Variants in NELL2 observed in about 807,000 individuals in gnomAD.
NELL2 encodes the protein protein kinase C-binding protein NELL2.
A neutral mutation model predicts 109.6 loss-of-function variants in NELL2; 41 were observed. The ratio of observed to expected loss-of-function variants is 0.37; its 90% CI spans 0.29 to 0.49. The LOEUF (loss-of-function observed/expected upper bound fraction) is 0.49. NELL2 is among the 20% of genes least tolerant of loss of function. NELL2 has a pLI of 0.98. For synonymous variants in NELL2, 355 were observed against 344.7 expected (o/e 1.03, Z -0.33); for missense variants, 900 against 1,008.3 (o/e 0.89, Z 1.45).
intron 1 of NELL2, among the ~76,000 whole-genome samples, chr12:44,913,352 A>G (rs2136894785): frequency 6.6e-6 from 1 of 152,320 alleles, no homozygotes; most frequent in Non-Finnish European, 1.5e-5. Context: ...ATGTAACAGC[A>G]GGATGCAGAA....
At chr12:44,716,947 T>G (rs1354382891) in intron 9 of NELL2, among the ~76,000 whole-genome samples, 1 of 152,096 alleles carries the variant, frequency 6.6e-6, no homozygotes, top group Non-Finnish European at 1.5e-5. Context: ...ATAGGCAACT[T>G]GTGGGACAAT....
At chr12:44,780,817 TC>T (rs908323720) in intron 3 of NELL2, among the ~76,000 whole-genome samples, 3 of 151,864 alleles carry the variant, frequency 2.0e-5, no homozygotes. Context: ...AAAAGAAGCT[TC>T]CCCCTCAACT....
At chr12:44,900,531 T>C (rs1643900735) in intron 1 of NELL2, among the ~76,000 whole-genome samples, 1 of 152,026 alleles carries the variant, frequency 6.6e-6, no homozygotes, top group East Asian at 1.9e-4. Flanking sequence ...ATAACAAAAT[T>C]AAGGCAGAAA....
intron 2 of NELL2, among the ~76,000 whole-genome samples, chr12:44,844,846 G>A (rs1365193288): frequency 6.6e-6 from 1 of 151,992 alleles, no homozygotes; most frequent in African/African-American, 2.4e-5. Flanking sequence ...AGTTAGTGAA[G>A]GATAATACCC....
chr12:44,620,071 G>C lies in NELL2; in HGVS notation c.1445-9101C>G, dbSNP rs559526586. Among the ~76,000 whole-genome samples, 230 of 151,682 alleles carry C rather than the reference G, an allele frequency of 1.5e-3. 1 individual carries two copies. Among genetic ancestry groups the C allele is most frequent in the Non-Finnish European group, 2.5e-3 (171 of 67,944 alleles). ...GTGGTGATGAGATTAATAGATATAA[G>C]AGAGCCTCTTACCTTTAGGTATTTT... is the stretch of plus-strand genomic sequence containing the variant. On this transcript the variant is annotated intron_variant, in intron 13 of 19. Transcript: ENST00000429094.
At chr12:44,794,716 A>G (rs1471393778) in intron 3 of NELL2, among the ~76,000 whole-genome samples, 3 of 152,186 alleles carry the variant, frequency 2.0e-5, no homozygotes, top group African/African-American at 7.2e-5. Flanking sequence ...GAAAATACAT[A>G]ATTGGAATAA....
chr12:44,543,464 T>C (rs1246330948), intron 15 of NELL2, among the ~76,000 whole-genome samples: 2 of 152,208 alleles, frequency 1.3e-5, no homozygotes, highest in Admixed American at 1.3e-4. Flanking sequence ...CTTAAAAATA[T>C]ATGTCAGATT....
intron 15 of NELL2, among the ~76,000 whole-genome samples, chr12:44,551,274 C>A (rs928402278): frequency 6.6e-6 from 1 of 152,172 alleles, no homozygotes; most frequent in Non-Finnish European, 1.5e-5. Context: ...CATCCATGCA[C>A]AGAAAATCCA....
At chr12:44,677,062 C>A in intron 12 of NELL2, among the ~76,000 whole-genome samples, 1 of 152,030 alleles carries the variant, frequency 6.6e-6, no homozygotes, top group Non-Finnish European at 1.5e-5. Context: ...GTCTTACAAA[C>A]AGGGAGAAAT....
intron 13 of NELL2, among the ~76,000 whole-genome samples, chr12:44,640,164 TA>T (rs1205919700): frequency 3.3e-5 from 5 of 152,324 alleles, no homozygotes; most frequent in Admixed American, 2.6e-4. Context: ...ATAAATGGGT[TA>T]AAAATGTGTT....
At chr12:44,575,445 G>T (rs1944038551) in intron 15 of NELL2, among the ~76,000 whole-genome samples, 2 of 152,236 alleles carry the variant, frequency 1.3e-5, no homozygotes, top group African/African-American at 4.8e-5. Flanking sequence ...TTGCTGCAAA[G>T]CACTCACATC....
intron 15 of NELL2, among the ~76,000 whole-genome samples, chr12:44,602,163 A>G (rs900195622): frequency 6.6e-5 from 10 of 152,212 alleles, no homozygotes; most frequent in African/African-American, 1.9e-4. Context: ...TAATTCACAC[A>G]AAGTTCATTA....
intron 13 of NELL2, among the ~76,000 whole-genome samples, chr12:44,658,876 C>CAAAAAAAAAAAAAA (rs758903947): frequency 1.0e-4 from 10 of 97,614 alleles, no homozygotes; most frequent in East Asian, 8.7e-4. Context: ...GACTCTGTCT[C>CAAAAAAAAAAAAAA]CAAAAAAAAA....
chr12:44,672,228 C>T (rs1002871185), intron 12 of NELL2, among the ~76,000 whole-genome samples: 3 of 152,198 alleles, frequency 2.0e-5, no homozygotes, highest in African/African-American at 7.2e-5. Context: ...GTACCAGTCC[C>T]TGATTTGCTA....
At chr12:44,788,629 G>C (rs537287614) in intron 3 of NELL2, among the ~76,000 whole-genome samples, 51 of 152,306 alleles carry the variant, frequency 3.3e-4, no homozygotes, top group Admixed American at 3.3e-3. Flanking sequence ...GCTGAACTTT[G>C]TAACAATTTA....
chr12:44,832,342 T>A (rs1943915060), intron 2 of NELL2, among the ~76,000 whole-genome samples: 1 of 152,212 alleles, frequency 6.6e-6, no homozygotes, highest in African/African-American at 2.4e-5. Flanking sequence ...GTACTAGATG[T>A]CATGAAAGTG....
Position 44,564,179 on chromosome 12 carries a change from G to C in NELL2, c.1664-31458C>G, listed in dbSNP as rs542068309. On this transcript the variant is annotated intron_variant, in intron 15 of 19. Transcript: ENST00000429094. ...CTAAACATTTTACCTATAGTTTTTA[G>C]TGAGTTAAACGACAAATTCAGGTCA... Among the ~76,000 whole-genome samples the C allele has an allele frequency of 3.3e-5, 5 of 152,264 alleles. No homozygotes were observed. In the South Asian group the frequency reaches 1.0e-3, roughly 32 times the overall value.
Position 44,610,949 on chromosome 12 carries a change from T to G in NELL2, c.1466A>C (p.Asn489Thr). ...SCTEHDECITNQHNCDENALC... is the reference protein window; with the variant it reads ...SCTEHDECITTQHNCDENALC... ...AGCATTTTCATCACAGTTGTGCTGA[T>G]TTGTGATACACTCATCATGTTCTGA... Residue 489 changes from asparagine to threonine, a missense_variant, in exon 14 of 20, where the codon AAT becomes ACT. By Grantham distance (65) the Asn-to-Thr change is moderately conservative. Transcript: ENST00000429094. 1 of 1,612,762 alleles carries G rather than the reference T, an allele frequency of 6.2e-7. No homozygotes were observed. The highest frequency in any genetic ancestry group is 8.5e-7 in the Non-Finnish European group (1 of 1,179,068).
At chr12:44,873,262 T>A (rs1348243288) in intron 2 of NELL2, among the ~76,000 whole-genome samples, 1 of 152,152 alleles carries the variant, frequency 6.6e-6, no homozygotes, top group Admixed American at 6.5e-5. Context: ...GAGCTCGGCA[T>A]CAACAAGGAA....
Sources: gnomAD v4.1 joint callset for allele counts (sites outside exome capture counted in the v4.1 genomes callset) on GRCh38, gnomAD v4.1.1 for gene constraint, MANE v1.5 for transcripts, NCBI Gene and HGNC (gene_info 2026-07-23, HGNC 2026-07-21) for gene names.